NOX4: variants seen among roughly 807,000 people sequenced by gnomAD.
NOX4 encodes NADPH oxidase 4, also known as kidney oxidase-1.
NOX4 carries 69 observed loss-of-function variants against 87.6 expected under a neutral mutation model. The ratio of observed to expected loss-of-function variants is 0.79; its 90% CI spans 0.65 to 0.96. The LOEUF (loss-of-function observed/expected upper bound fraction) is 0.96, where lower values mean the gene tolerates loss of function less well. Ranked by LOEUF, NOX4 falls within the 40% of genes least tolerant of loss-of-function variation. The pLI is 0.00. For synonymous variants in NOX4, 275 were observed against 238.2 expected (o/e 1.15, Z -1.42); for missense variants, 680 against 681.5 (o/e 1.00, Z 0.02).
At chr11:89,363,651 T>C (rs1440195289) in intron 12 of NOX4, among the ~76,000 whole-genome samples, 14 of 152,076 alleles carry the variant, frequency 9.2e-5, no homozygotes, top group Non-Finnish European at 2.1e-4. Context: ...CTTAGAAGTA[T>C]GCATATTAAT....
the NOX4 span, among the ~76,000 whole-genome samples, chr11:89,515,099 G>A: frequency 6.6e-6 from 1 of 151,998 alleles, no homozygotes; most frequent in Non-Finnish European, 1.5e-5. Context: ...TGTGTGAACA[G>A]TTATCTTCAT....
At chr11:89,454,439 G>A (rs1945098379) in intron 2 of NOX4, among the ~76,000 whole-genome samples, 1 of 152,032 alleles carries the variant, frequency 6.6e-6, no homozygotes, top group Admixed American at 6.6e-5. Flanking sequence ...ATGACTTTGG[G>A]TAGTGTCTGA....
At chr11:89,455,603 T>G (rs957048350) in intron 2 of NOX4, among the ~76,000 whole-genome samples, 1 of 152,068 alleles carries the variant, frequency 6.6e-6, no homozygotes, top group African/African-American at 2.4e-5. Context: ...TGTGGTTATT[T>G]TATTCACAAA....
intron 12 of NOX4, among the ~76,000 whole-genome samples, chr11:89,358,003 G>T (rs1475338410): frequency 1.3e-5 from 2 of 152,006 alleles, no homozygotes; most frequent in East Asian, 1.9e-4. Context: ...TATAACTAAT[G>T]TTCCTATATT....
At chr11:89,518,045 A>C in the NOX4 span, among the ~76,000 whole-genome samples, 1 of 152,142 alleles carries the variant, frequency 6.6e-6, no homozygotes, top group African/African-American at 2.4e-5. Context: ...TTCGGAAAAC[A>C]AACACACAAA....
At chr11:89,577,612 C>G in the NOX4 span, 1 of 152,156 alleles carries the variant, frequency 6.6e-6, no homozygotes, top group Non-Finnish European at 1.5e-5. Flanking sequence ...ATTTATATAG[C>G]TAGTTAATCA....
At chr11:89,346,226 T>C (rs531075405) in intron 13 of NOX4, among the ~76,000 whole-genome samples, 1 of 152,202 alleles carries the variant, frequency 6.6e-6, no homozygotes, top group African/African-American at 2.4e-5. Context: ...AAAAGGAACA[T>C]GGTTTGAAAA....
chr11:89,504,165 A>G, the NOX4 span, among the ~76,000 whole-genome samples: 1 of 151,722 alleles, frequency 6.6e-6, no homozygotes, highest in African/African-American at 2.4e-5. Flanking sequence ...GTCCAGACAG[A>G]GGAAATAGCA....
chr11:89,454,670 C>A (rs1278422625), intron 2 of NOX4, among the ~76,000 whole-genome samples: 1 of 152,026 alleles, frequency 6.6e-6, no homozygotes, highest in Non-Finnish European at 1.5e-5. Context: ...AGTAAATAGT[C>A]TGGGCATAAA....
the NOX4 span, among the ~76,000 whole-genome samples, chr11:89,580,402 G>A: frequency 2.6e-5 from 4 of 152,106 alleles, no homozygotes; most frequent in Middle Eastern, 3.4e-3. Context: ...GGCTAGTCTC[G>A]AACTTGTGCA....
rs568432978 is a variant in NOX4, at chr11:89,373,539, T to C, written c.1075-47A>G. The stretch of plus-strand genomic sequence containing the variant: ...AATTGTGATTAATAATTACATAATA[T>C]GAAATTATAATTCAATTACAACTTT... On this transcript the variant is annotated intron_variant, in intron 11 of 17. Coordinates refer to ENST00000263317, the MANE Select transcript of NOX4 (RefSeq NM_016931.5). 61 of 1,173,742 alleles carry C rather than the reference T, an allele frequency of 5.2e-5. No individual in the cohort carries two copies. The South Asian group carries it at 7.5e-4, about 14-fold the overall frequency. 72.7% of individuals were successfully genotyped at this position (1,173,742 alleles called of 1,614,324 possible).
intron 13 of NOX4, among the ~76,000 whole-genome samples, chr11:89,352,799 T>G (rs1158883365): frequency 6.6e-6 from 1 of 152,186 alleles, no homozygotes; most frequent in East Asian, 1.9e-4. Flanking sequence ...GTTTTGGTTT[T>G]GTTGTCTGTT....
intron 12 of NOX4, among the ~76,000 whole-genome samples, chr11:89,359,888 T>C (rs1938384543): frequency 1.3e-5 from 2 of 152,134 alleles, no homozygotes; most frequent in South Asian, 4.1e-4. Context: ...AGAAGTTCTT[T>C]GCATTTTTAT....
At chr11:89,535,643 T>G in the NOX4 span, among the ~76,000 whole-genome samples, 1 of 152,116 alleles carries the variant, frequency 6.6e-6, no homozygotes, top group Non-Finnish European at 1.5e-5. Flanking sequence ...TCTGTGTCTC[T>G]CATCTTCCAG....
At chr11:89,491,506 T>C (rs1946856612), upstream of NOX4, 4 of 471,028 alleles carry the variant, frequency 8.5e-6, no homozygotes, top group Admixed American at 1.7e-4. Flanking sequence ...CGCCCAGCGC[T>C]CTGAGCGCGC....
At chr11:89,535,317 G>A in the NOX4 span, among the ~76,000 whole-genome samples, 1 of 152,180 alleles carries the variant, frequency 6.6e-6, no homozygotes, top group South Asian at 2.1e-4. Context: ...TTGGTGTTTA[G>A]TTATTTGACT....
upstream of NOX4, among the ~76,000 whole-genome samples, chr11:89,503,125 T>A (rs761259649): frequency 6.6e-6 from 1 of 152,014 alleles, no homozygotes; most frequent in African/African-American, 2.4e-5. Flanking sequence ...AAGTGTTCGA[T>A]AAATGTGGAC....
At position 89,400,080 on chromosome 11, in the gene NOX4, C is replaced by T. The variant is rs771811755; in HGVS notation, c.1012-1G>A. ...CACTGGGACAATGTAGAGTAATATACTAAAAAGCAACAAACAGATAAGTTT... is the reference window on the plus strand; with the variant it reads ...CACTGGGACAATGTAGAGTAATATATTAAAAAGCAACAAACAGATAAGTTT... On this transcript the variant is annotated splice_acceptor_variant, in intron 10 of 17. Transcript: ENST00000263317. LOFTEE classifies it high-confidence loss of function. 1.2e-6 allele frequency: 2 copies of T among 1,602,308 alleles called. No homozygotes were observed. Among genetic ancestry groups the T allele is most frequent in the Admixed American group, 3.4e-5 (2 of 59,270 alleles).
At chr11:89,532,818 C>G in the NOX4 span, among the ~76,000 whole-genome samples, 1 of 152,086 alleles carries the variant, frequency 6.6e-6, no homozygotes, top group Non-Finnish European at 1.5e-5. Flanking sequence ...TGGTCTCTTC[C>G]ATGACGTTCT....
Sources: allele counts gnomAD v4.1 joint callset (sites outside exome capture counted in the v4.1 genomes callset), GRCh38; gene constraint gnomAD v4.1.1; transcripts MANE v1.5; gene names NCBI Gene and HGNC (gene_info 2026-07-23, HGNC 2026-07-21).